Variants in DCC observed in about 807,000 individuals in gnomAD.
The protein encoded by DCC is netrin receptor DCC.
Under a neutral mutation model 172.5 loss-of-function variants are expected in DCC, and 58 were observed. That is an observed-to-expected ratio of 0.34 (90% CI 0.27 to 0.42). DCC has a LOEUF of 0.42. Ranked by LOEUF, DCC falls within the 10% of genes least tolerant of loss-of-function variation. DCC has a pLI of 1.00. For missense variants in DCC, 1,740 were observed against 1,791.0 expected (o/e 0.97, Z 0.51); for synonymous variants, 709 against 644.5 (o/e 1.10, Z -1.52).
At chr18:53,010,148 C>T (rs2041707113) in intron 5 of DCC, among the ~76,000 whole-genome samples, 1 of 151,882 alleles carries the variant, frequency 6.6e-6, no homozygotes, top group African/African-American at 2.4e-5. Flanking sequence ...TATTTCATGC[C>T]ATGATCTGTT....
At chr18:52,652,658 T>C (rs1460343780) in intron 1 of DCC, among the ~76,000 whole-genome samples, 1 of 150,550 alleles carries the variant, frequency 6.6e-6, no homozygotes. Context: ...TTTTATGTGC[T>C]CCCATTAGTG....
At chr18:52,939,063 C>CT (rs1442438788) in intron 5 of DCC, among the ~76,000 whole-genome samples, 1 of 152,172 alleles carries the variant, frequency 6.6e-6, no homozygotes, top group Admixed American at 6.6e-5. Context: ...TACAATCTCT[C>CT]TATCACATCC....
chr18:53,213,420 C>T (rs544001083), intron 11 of DCC, among the ~76,000 whole-genome samples: 3 of 151,880 alleles, frequency 2.0e-5, no homozygotes, highest in South Asian at 2.1e-4. Context: ...GAGGCCGAGG[C>T]GGGTGGATCA....
chr18:52,784,197 C>G (rs1222422670), intron 2 of DCC, among the ~76,000 whole-genome samples: 3 of 151,886 alleles, frequency 2.0e-5, no homozygotes, highest in African/African-American at 7.3e-5. Context: ...TCTGTGCCTG[C>G]CTTATTTGAC....
At chr18:52,566,635 T>C (rs1448724025) in intron 1 of DCC, among the ~76,000 whole-genome samples, 1 of 152,154 alleles carries the variant, frequency 6.6e-6, no homozygotes, top group Non-Finnish European at 1.5e-5. Context: ...AAAATTAAAA[T>C]TTTAAATTTA....
Position 52,495,768 on chromosome 18 carries a change from A to AT in DCC, c.91+154902dup, listed in dbSNP as rs199884010. 8.3e-3 allele frequency among the ~76,000 whole-genome samples: 1,196 copies of AT among 144,872 alleles called. 10 individuals carry two copies. Among genetic ancestry groups the AT allele is most frequent in the East Asian group, 0.035 (173 of 4,976 alleles). On this transcript the variant is annotated intron_variant, in intron 1 of 28. Coordinates refer to ENST00000442544, the MANE Select transcript of DCC (RefSeq NM_005215.4). ...ATTTATTTTATTTTTTTATTTATGT[A>AT]TTTTTTTTTTTTAGCAATTTGGAGT...
chr18:53,487,139 C>A (rs1261351480), intron 26 of DCC, among the ~76,000 whole-genome samples, 181 bp downstream of exon 26: 3 of 152,132 alleles, frequency 2.0e-5, no homozygotes, highest in African/African-American at 7.2e-5. Flanking sequence ...TGTACTGATT[C>A]CCTAGGCACC....
At chr18:52,966,527 A>T (rs1325841279) in intron 5 of DCC, among the ~76,000 whole-genome samples, 1 of 152,140 alleles carries the variant, frequency 6.6e-6, no homozygotes, top group African/African-American at 2.4e-5. Flanking sequence ...GTGGAGGGAC[A>T]GCTGGCTTCC....
At chr18:53,090,728 A>G (rs1568298468) in intron 7 of DCC, among the ~76,000 whole-genome samples, 1 of 134,332 alleles carries the variant, frequency 7.4e-6, no homozygotes, top group East Asian at 2.4e-4. Context: ...AAAAAAAAAA[A>G]AAAAAAGAAT....
chr18:53,508,929 T>TC (rs1318917536), intron 27 of DCC, among the ~76,000 whole-genome samples: 1 of 152,178 alleles, frequency 6.6e-6, no homozygotes, highest in Non-Finnish European at 1.5e-5. Context: ...CTGCAAATGA[T>TC]CCCACCACAT....
chr18:53,409,259 C>A (rs890277786), intron 19 of DCC, among the ~76,000 whole-genome samples: 4 of 152,068 alleles, frequency 2.6e-5, no homozygotes, highest in Admixed American at 2.6e-4. Context: ...GTCTGAGAAC[C>A]CTCTGACATA....
intron 12 of DCC, among the ~76,000 whole-genome samples, chr18:53,232,699 C>G (rs201858552): frequency 1.3e-5 from 2 of 152,146 alleles, no homozygotes; most frequent in Non-Finnish European, 2.9e-5. Context: ...AATTCTGTGG[C>G]TCAATTATTT....
chr18:53,360,622 T>C (rs2057935406), intron 15 of DCC, among the ~76,000 whole-genome samples: 1 of 152,166 alleles, frequency 6.6e-6, no homozygotes, highest in Admixed American at 6.6e-5. Flanking sequence ...TAAAGCTCCA[T>C]TGTAAATTAA....
chr18:53,354,007 G>A (rs1321955194), intron 15 of DCC, among the ~76,000 whole-genome samples: 1 of 152,156 alleles, frequency 6.6e-6, no homozygotes, highest in Non-Finnish European at 1.5e-5. Flanking sequence ...GTGAGAACAT[G>A]CGGTGTTTGG....
intron 1 of DCC, among the ~76,000 whole-genome samples, chr18:52,702,919 A>G (rs2036149022): frequency 6.6e-6 from 1 of 152,174 alleles, no homozygotes; most frequent in Non-Finnish European, 1.5e-5. Context: ...TATTTCCCAT[A>G]ACAACTCTTA....
Position 52,589,920 on chromosome 18 carries a change from C to G in DCC, c.92-162134C>G, listed in dbSNP as rs202067700. ...CTTATAAGGAGGAAAGAGAGATTCA[C>G]TGCTGAATTTTTTGTTGATGATCTA... On this transcript the variant is annotated intron_variant, in intron 1 of 28. Transcript: ENST00000442544. 2.0e-5 allele frequency among the ~76,000 whole-genome samples: 3 copies of G among 152,096 alleles called. No individual in the cohort carries two copies. In the East Asian group the frequency reaches 5.8e-4, roughly 29 times the overall value.
intron 1 of DCC, among the ~76,000 whole-genome samples, chr18:52,359,275 T>C (rs1984514107): frequency 6.6e-6 from 1 of 152,222 alleles, no homozygotes; most frequent in Admixed American, 6.5e-5. Context: ...TGTAGACTAA[T>C]AATAATGGTT....
At chr18:53,514,383 T>G (rs1259169648) in intron 27 of DCC, among the ~76,000 whole-genome samples, 1 of 151,770 alleles carries the variant, frequency 6.6e-6, no homozygotes, top group Non-Finnish European at 1.5e-5. Context: ...AACATCACCA[T>G]TAAAAGAACT....
chr18:53,447,100 G>C (rs999864874), intron 22 of DCC, among the ~76,000 whole-genome samples: 1 of 152,140 alleles, frequency 6.6e-6, no homozygotes, highest in Non-Finnish European at 1.5e-5. Context: ...TATATTAATT[G>C]GTTGATAAAA....
Sources: allele counts gnomAD v4.1 joint callset (sites outside exome capture counted in the v4.1 genomes callset), GRCh38; gene constraint gnomAD v4.1.1; transcripts MANE v1.5; gene names NCBI Gene and HGNC (gene_info 2026-07-23, HGNC 2026-07-21).